Variants in SLC39A11 observed in about 807,000 individuals in gnomAD.
SLC39A11 encodes the protein solute carrier family 39 member 11.
SLC39A11 carries 33 observed loss-of-function variants against 36.1 expected under a neutral mutation model. The ratio of observed to expected loss-of-function variants is 0.91; its 90% confidence interval spans 0.69 to 1.22. SLC39A11 has a LOEUF of 1.22. Ranked by LOEUF, SLC39A11 falls within the 50% of genes most tolerant of loss-of-function variation. The pLI is 0.00. For missense variants in SLC39A11, 432 were observed against 430.3 expected, an observed-to-expected ratio of 1.00 and a Z score of -0.03; for synonymous variants, 166 against 170.3, an observed-to-expected ratio of 0.97 and a Z score of 0.20.
At chr17:72,955,293 G>GTTTT (rs1598580873) in intron 4 of SLC39A11, among the ~76,000 whole-genome samples, 1 of 44,644 alleles carries the variant, frequency 2.2e-5, no homozygotes, top group Non-Finnish European at 4.6e-5. Flanking sequence ...TAACTTTTCA[G>GTTTT]TTCTCTTTTT....
intron 7 of SLC39A11, 100 bp downstream of exon 7, chr17:72,736,550 G>T: frequency 9.9e-7 from 1 of 1,006,428 alleles, no homozygotes; most frequent in Non-Finnish European, 1.6e-6. Flanking sequence ...GGGCTGGGGT[G>T]CTGAACAATA....
At chr17:72,842,645 A>C (rs954839690) in intron 6 of SLC39A11, among the ~76,000 whole-genome samples, 3 of 152,220 alleles carry the variant, frequency 2.0e-5, no homozygotes, top group Admixed American at 1.3e-4. Flanking sequence ...AAGAGACAGT[A>C]TGCTCAAAAG....
chr17:72,770,571 A>C (rs1043576817), intron 6 of SLC39A11, among the ~76,000 whole-genome samples: 2 of 152,132 alleles, frequency 1.3e-5, no homozygotes, highest in African/African-American at 4.8e-5. Flanking sequence ...CCTGCACGGC[A>C]GTCTGCCAGC....
intron 5 of SLC39A11, among the ~76,000 whole-genome samples, chr17:72,900,664 G>A (rs1037900584): frequency 1.3e-5 from 2 of 151,756 alleles, no homozygotes; most frequent in African/African-American, 4.8e-5. Flanking sequence ...AGGGGGGCAG[G>A]CGCGCCCTCC....
At chr17:73,084,729 G>A in intron 3 of SLC39A11, 79 bp downstream of exon 3, 1 of 1,428,810 alleles carries the variant, frequency 7.0e-7, no homozygotes, top group Non-Finnish European at 9.9e-7. Context: ...CAAGGGGAGG[G>A]ACTGAAGACA....
chr17:73,057,520 A>G (rs1172018442), intron 3 of SLC39A11, among the ~76,000 whole-genome samples: 3 of 152,258 alleles, frequency 2.0e-5, no homozygotes, highest in Non-Finnish European at 4.4e-5. Flanking sequence ...AAAGTGATTT[A>G]TAAAAGTTAA....
chr17:72,697,575 T>G (rs547298704), intron 7 of SLC39A11, among the ~76,000 whole-genome samples: 4 of 152,226 alleles, frequency 2.6e-5, no homozygotes, highest in African/African-American at 9.6e-5. Context: ...AAAATCCAAG[T>G]GTTCCAAACA....
chr17:73,091,386 G>T (rs1201888135), intron 1 of SLC39A11, among the ~76,000 whole-genome samples: 1 of 152,120 alleles, frequency 6.6e-6, no homozygotes, highest in African/African-American at 2.4e-5. Context: ...GGAGGTTGCA[G>T]TGAGCCGAGA....
intron 4 of SLC39A11, among the ~76,000 whole-genome samples, chr17:72,971,319 C>G: frequency 6.8e-6 from 1 of 146,522 alleles, no homozygotes; most frequent in East Asian, 1.9e-4. Context: ...CACACACATA[C>G]ACACACACAC....
intron 3 of SLC39A11, among the ~76,000 whole-genome samples, chr17:73,065,005 T>C (rs1325609277): frequency 6.6e-6 from 1 of 152,140 alleles, no homozygotes; most frequent in Non-Finnish European, 1.5e-5. Context: ...TCAAAGTGTC[T>C]TTATAGCCAT....
chr17:72,733,262 A>G (rs1421425408), intron 7 of SLC39A11, among the ~76,000 whole-genome samples: 1 of 152,148 alleles, frequency 6.6e-6, no homozygotes, highest in African/African-American at 2.4e-5. Context: ...AGTAAAAACC[A>G]TGTTTACTAG....
intron 5 of SLC39A11, among the ~76,000 whole-genome samples, chr17:72,900,197 GAAAGAAAGAAAGAAA>G (rs1567912959): frequency 1.4e-5 from 2 of 145,908 alleles, no homozygotes; most frequent in Admixed American, 6.8e-5. Context: ...AAGAAAGAAA[GAAAGAAAGAAAGAAA>G]GAAAGAAAGA....
intron 5 of SLC39A11, among the ~76,000 whole-genome samples, chr17:72,924,605 G>A (rs1329018309): frequency 6.6e-6 from 1 of 152,166 alleles, no homozygotes; most frequent in Non-Finnish European, 1.5e-5. Context: ...GAAGTAGCCT[G>A]AGAAAGCTAC....
intron 6 of SLC39A11, among the ~76,000 whole-genome samples, chr17:72,816,051 T>C (rs1045214968): frequency 2.0e-5 from 3 of 152,234 alleles, no homozygotes; most frequent in African/African-American, 7.2e-5. Context: ...CAATCCCTTA[T>C]CCTAACTCAG....
At chr17:73,058,782 A>G (rs573413214) in intron 3 of SLC39A11, among the ~76,000 whole-genome samples, 2 of 152,278 alleles carry the variant, frequency 1.3e-5, no homozygotes, top group South Asian at 4.2e-4. Context: ...CTTTTGTAGG[A>G]TCTGTCTTTT....
At position 72,647,561 on chromosome 17, in the gene SLC39A11, C is replaced by A; in HGVS notation, c.*23G>T. 1 of 1,608,764 alleles carries A rather than the reference C, an allele frequency of 6.2e-7. No homozygotes were observed. Among genetic ancestry groups the A allele is most frequent in the Non-Finnish European group, 8.5e-7 (1 of 1,176,864 alleles). On this transcript the variant is annotated 3_prime_UTR_variant, in exon 10 of 10. Coordinates refer to ENST00000255559, the MANE Select transcript of SLC39A11 (RefSeq NM_139177.4). ...CTGCTGTTTCTTCGTATGGCCTTTC[C>A]CGGGGTCCGAAGCGTCTCAGCCCTA...
At chr17:72,687,269 T>A (rs1317386355) in intron 7 of SLC39A11, among the ~76,000 whole-genome samples, 3 of 152,140 alleles carry the variant, frequency 2.0e-5, no homozygotes, top group African/African-American at 7.2e-5. Context: ...TAGGAGCATT[T>A]TTTTTTTAGA....
chr17:73,061,433 G>A (rs2144241405), intron 3 of SLC39A11, among the ~76,000 whole-genome samples: 1 of 152,232 alleles, frequency 6.6e-6, no homozygotes, highest in Admixed American at 6.5e-5. Flanking sequence ...ACCATCAAAA[G>A]AACAAGAATT....
At chr17:72,760,744 A>C (rs2713978) in intron 6 of SLC39A11, among the ~76,000 whole-genome samples, 134,450 of 152,258 alleles carry the variant, frequency 0.88, 59,707 homozygotes, top group African/African-American at 0.97. Context: ...ATCCCCACAG[A>C]CATCTCAGAA....
Sources: allele counts gnomAD v4.1 joint callset (sites outside exome capture counted in the v4.1 genomes callset), GRCh38; gene constraint gnomAD v4.1.1; transcripts MANE v1.5; gene names NCBI Gene and HGNC (gene_info 2026-07-23, HGNC 2026-07-21).